B3GALT5: variants seen among roughly 807,000 people sequenced by gnomAD.
The protein encoded by B3GALT5 is UDP-Gal:betaGlcNAc beta 1,3-galactosyltransferase, polypeptide 5.
For synonymous variants in B3GALT5, 156 were observed against 158.6 expected, an observed-to-expected ratio of 0.98 and a Z score of 0.12; for missense variants, 328 against 396.6, an observed-to-expected ratio of 0.83 and a Z score of 1.47.
intron 3 of B3GALT5, 103 bp from the exon 4 acceptor site, chr21:39,660,457 G>C: frequency 9.6e-7 from 1 of 1,045,818 alleles, no homozygotes; most frequent in Non-Finnish European, 1.3e-6. Context: ...AGGTTCTAGA[G>C]TTTCCAAAAC....
intron 2 of B3GALT5, among the ~76,000 whole-genome samples, chr21:39,659,327 C>T (rs1405149338): frequency 3.9e-5 from 6 of 152,178 alleles, no homozygotes; most frequent in Non-Finnish European, 7.3e-5. Flanking sequence ...CCTCTCTGTC[C>T]TCTCACCCAG....
Position 39,639,933 on chromosome 21 carries a change from A to G in B3GALT5, c.-391-6459A>G, listed in dbSNP as rs117961807. Among the ~76,000 whole-genome samples, 390 of 152,310 alleles carry G rather than the reference A, an allele frequency of 2.6e-3. 2 individuals are homozygous for G. Among genetic ancestry groups the G allele is most frequent in the Non-Finnish European group, 4.2e-3 (289 of 68,030 alleles). ...TAAAGGGCTAAATAACAAGCTGTCA[A>G]TCAATAACTGTAAAATGTAAATGAT... On this transcript the variant is annotated intron_variant, in intron 1 of 3. Coordinates refer to ENST00000684187, the MANE Select transcript of B3GALT5 (RefSeq NM_001356336.2).
At chr21:39,622,580 G>A (rs747999647) in intron 1 of B3GALT5, among the ~76,000 whole-genome samples, 2 of 151,992 alleles carry the variant, frequency 1.3e-5, no homozygotes, top group Non-Finnish European at 2.9e-5. Flanking sequence ...CTAACTAATA[G>A]CAAGTATCTT....
chr21:39,656,711 C>T (rs2079448433), intron 2 of B3GALT5, among the ~76,000 whole-genome samples: 1 of 152,218 alleles, frequency 6.6e-6, no homozygotes, highest in African/African-American at 2.4e-5. Flanking sequence ...CCTGTAGCCT[C>T]AGGTCAGGCT....
Position 39,670,912 on chromosome 21 carries a change from A to C in B3GALT5, c.*9420A>C, listed in dbSNP as rs942015826. On this transcript the variant is annotated 3_prime_UTR_variant, in exon 4 of 4. Coordinates refer to ENST00000684187, the MANE Select transcript of B3GALT5 (RefSeq NM_001356336.2). Reference sequence around the variant, plus strand: ...CATGTCCTCCATTTGGAAGTGTCTTAGTTTGTTTTGTGTTGCTGTAACAGA... The same window carrying C: ...CATGTCCTCCATTTGGAAGTGTCTTCGTTTGTTTTGTGTTGCTGTAACAGA... The C allele has an allele frequency of 6.6e-6, 1 of 152,330 alleles. No individual in the cohort carries two copies. The highest frequency in any genetic ancestry group is 2.1e-4 in the South Asian group (1 of 4,824). The allele number at this position is 152,330 out of a possible 1,614,324, so 9.4% of individuals were successfully genotyped here. A position where few individuals can be genotyped will look rare whatever the true frequency, so the allele number is the denominator to read the frequency against.
chr21:39,671,546 T>A lies in B3GALT5; in HGVS notation c.*10054T>A, dbSNP rs900619907. 6.6e-6 allele frequency: 1 copy of A among 152,192 alleles called. No individual in the cohort carries two copies. Among genetic ancestry groups the A allele is most frequent in the South Asian group, 2.1e-4 (1 of 4,830 alleles). The allele number at this position is 152,192 out of a possible 1,614,324, so 9.4% of individuals were successfully genotyped here. A position where few individuals can be genotyped will look rare whatever the true frequency, so the allele number is the denominator to read the frequency against. On this transcript the variant is annotated 3_prime_UTR_variant, in exon 4 of 4. Transcript: ENST00000684187. The stretch of plus-strand genomic sequence containing the variant: ...AGAATGGTGGCCTGGGAGTGAGCTG[T>A]AAGGTTCCTTCAAACATCAGTTCCT...
At chr21:39,638,986 G>T (rs907790344) in intron 1 of B3GALT5, among the ~76,000 whole-genome samples, 7 of 152,218 alleles carry the variant, frequency 4.6e-5, no homozygotes, top group African/African-American at 1.7e-4. Flanking sequence ...AGTTTCCCGT[G>T]TACAGCTCTT....
At chr21:39,630,462 T>G (rs1204957892) in intron 1 of B3GALT5, 1 of 152,190 alleles carries the variant, frequency 6.6e-6, no homozygotes. Flanking sequence ...AGTGACTCAC[T>G]CGGAACTGCT....
At position 39,661,611 on chromosome 21, in the gene B3GALT5, AGAAT is replaced by A; in HGVS notation, c.*121_*124del. 1.0e-6 allele frequency: 1 copy of A among 997,322 alleles called. No homozygotes were observed. The highest frequency in any genetic ancestry group is 1.4e-6 in the Non-Finnish European group (1 of 722,140). 61.8% of individuals were successfully genotyped at this position (997,322 alleles called of 1,614,324 possible). A position where few individuals can be genotyped will look rare whatever the true frequency, so the allele number is the denominator to read the frequency against. On this transcript the variant is annotated 3_prime_UTR_variant, in exon 4 of 4. Coordinates refer to ENST00000684187, the MANE Select transcript of B3GALT5 (RefSeq NM_001356336.2). The surrounding 1 kb of genome is among the most constrained non-coding windows in gnomAD (Gnocchi z 4.7). ...GTTCTTCAGTGCTGAAATCCACGCCAGAATGTCGGTGTTCATGAAGTCACTGATT... is the reference window on the plus strand; with the variant it reads ...GTTCTTCAGTGCTGAAATCCACGCCAGTCGGTGTTCATGAAGTCACTGATT...
At chr21:39,625,532 T>C (rs1434685149) in intron 1 of B3GALT5, among the ~76,000 whole-genome samples, 1 of 152,244 alleles carries the variant, frequency 6.6e-6, no homozygotes, top group Non-Finnish European at 1.5e-5. Context: ...TGCAGCAATT[T>C]ATTAGTTTCA....
chr21:39,626,273 C>A (rs748599276), intron 1 of B3GALT5, among the ~76,000 whole-genome samples: 1 of 152,186 alleles, frequency 6.6e-6, no homozygotes, highest in African/African-American at 2.4e-5. Context: ...CTTTTTAGGG[C>A]AGAATAGTAT....
chr21:39,648,104 G>T (rs986956861), intron 2 of B3GALT5, among the ~76,000 whole-genome samples: 2 of 152,126 alleles, frequency 1.3e-5, no homozygotes, highest in South Asian at 2.1e-4. Context: ...TTAAAAAAAA[G>T]TCCATTGTAG....
chr21:39,642,719 T>A (rs1393254023), intron 1 of B3GALT5, among the ~76,000 whole-genome samples: 1 of 152,172 alleles, frequency 6.6e-6, no homozygotes, highest in Non-Finnish European at 1.5e-5. Flanking sequence ...TTTGATTTTG[T>A]CTTAGTCAAA....
intron 2 of B3GALT5, among the ~76,000 whole-genome samples, chr21:39,658,675 G>A (rs573031778): frequency 6.6e-6 from 1 of 152,222 alleles, no homozygotes; most frequent in African/African-American, 2.4e-5. Context: ...AAACTTTGCA[G>A]CATCCTGGAG....
chr21:39,621,913 G>A (rs2079136289), intron 1 of B3GALT5, among the ~76,000 whole-genome samples: 1 of 152,010 alleles, frequency 6.6e-6, no homozygotes, highest in African/African-American at 2.4e-5. Flanking sequence ...TGACTTGATA[G>A]TTATATCCTC....
intron 1 of B3GALT5, among the ~76,000 whole-genome samples, chr21:39,626,657 T>G (rs1370527344): frequency 2.0e-5 from 3 of 152,182 alleles, no homozygotes; most frequent in Non-Finnish European, 2.9e-5. Flanking sequence ...AAGTGCTGTC[T>G]CATTGTGACT....
At chr21:39,644,316 A>T (rs1031929364) in intron 1 of B3GALT5, among the ~76,000 whole-genome samples, 17 of 152,204 alleles carry the variant, frequency 1.1e-4, no homozygotes, top group African/African-American at 4.1e-4. Context: ...ACTTTAACAG[A>T]AATGCTGTAG....
intron 2 of B3GALT5, among the ~76,000 whole-genome samples, chr21:39,649,681 C>G (rs28496002): frequency 0.014 from 2,091 of 152,246 alleles, 38 homozygotes; most frequent in African/African-American, 0.047. Context: ...TCTGGCTAAA[C>G]CCACCTTGCT....
intron 1 of B3GALT5, among the ~76,000 whole-genome samples, chr21:39,628,950 G>A (rs368390005): frequency 3.9e-4 from 60 of 152,028 alleles, no homozygotes; most frequent in African/African-American, 1.4e-3. Flanking sequence ...CTAAAAAGTG[G>A]TTGACTTGAG....
Sources: allele counts gnomAD v4.1 joint callset (sites outside exome capture counted in the v4.1 genomes callset), GRCh38; gene constraint gnomAD v4.1.1; non-coding constraint Gnocchi (gnomAD v3.1); transcripts MANE v1.5; gene names NCBI Gene and HGNC (gene_info 2026-07-23, HGNC 2026-07-21).